Variants in ZC3H3 observed in about 807,000 individuals in gnomAD.
ZC3H3 encodes the protein zinc finger CCCH-type containing 3, also known as zinc finger CCCH domain-containing protein 3.
A neutral mutation model predicts 77.3 loss-of-function variants in ZC3H3; 36 were observed. That is an observed-to-expected ratio of 0.47 (90% CI 0.36 to 0.61). The LOEUF is 0.61. Ranked by LOEUF, ZC3H3 falls within the 20% of genes least tolerant of loss-of-function variation. The probability of loss-of-function intolerance (pLI) is 0.00; values close to 1 mark genes in which losing one functional copy is unlikely to be tolerated. For synonymous variants in ZC3H3, 626 were observed against 555.2 expected, an observed-to-expected ratio of 1.13 and a Z score of -1.79; for missense variants, 1,331 against 1,312.2, an observed-to-expected ratio of 1.01 and a Z score of -0.22.
chr8:143,441,773 C>T (rs945802918), intron 9 of ZC3H3, among the ~76,000 whole-genome samples: 5 of 152,140 alleles, frequency 3.3e-5, no homozygotes, highest in Non-Finnish European at 5.9e-5. Flanking sequence ...TGGTGCAGGG[C>T]GCCCAGCCTG....
chr8:143,477,791 G>T (rs1249495956), intron 4 of ZC3H3, among the ~76,000 whole-genome samples: 1 of 152,210 alleles, frequency 6.6e-6, no homozygotes, highest in Non-Finnish European at 1.5e-5. Flanking sequence ...GGCCTCAGGG[G>T]TCTCACCATT....
At chr8:143,540,987 C>T (rs975213167) in intron 1 of ZC3H3, among the ~76,000 whole-genome samples, 12 of 152,254 alleles carry the variant, frequency 7.9e-5, no homozygotes, top group African/African-American at 2.9e-4. Flanking sequence ...AAGGAACCCG[C>T]GTGCGCCCTT....
chr8:143,539,219 A>T lies in ZC3H3; in HGVS notation c.148T>A (p.Phe50Ile), dbSNP rs1170969298. 1 of 1,612,898 alleles carries T rather than the reference A, an allele frequency of 6.2e-7. No homozygotes were observed. Residue 50 changes from phenylalanine to isoleucine, a missense_variant, in exon 2 of 12, where the codon TTT becomes ATT. Phe to Ile is a conservative substitution (Grantham distance 21). Transcript: ENST00000262577. Reference sequence around the variant, plus strand: ...CTTGGACGAGGGTAGCGGGCACTAAAGGCTCTGCCACTGTGGTAAGTGGGT... The same window carrying T: ...CTTGGACGAGGGTAGCGGGCACTAATGGCTCTGCCACTGTGGTAAGTGGGT... ...QPPTYHSGRA[F>I]SARYPRPSRR...
intron 5 of ZC3H3, among the ~76,000 whole-genome samples, chr8:143,470,986 G>A (rs1820546929): frequency 6.6e-6 from 1 of 152,128 alleles, no homozygotes; most frequent in Admixed American, 6.5e-5. Flanking sequence ...CGGTGCCCCA[G>A]TGCCAGCTCT....
chr8:143,525,687 A>G (rs1822390058), intron 3 of ZC3H3, among the ~76,000 whole-genome samples: 1 of 152,222 alleles, frequency 6.6e-6, no homozygotes, highest in Non-Finnish European at 1.5e-5. Context: ...TCTTCCTGCT[A>G]TGCCTTCCCA....
chr8:143,481,101 C>T (rs539265689), intron 4 of ZC3H3, among the ~76,000 whole-genome samples: 12 of 152,338 alleles, frequency 7.9e-5, no homozygotes, highest in African/African-American at 2.6e-4. Flanking sequence ...GCTTGTTCAA[C>T]AGGGTCTTCC....
chr8:143,512,930 C>G (rs1563871005), intron 3 of ZC3H3, among the ~76,000 whole-genome samples: 1 of 152,208 alleles, frequency 6.6e-6, no homozygotes, highest in Admixed American at 6.5e-5. Context: ...GAGAGCCGAG[C>G]CTGCCTGGAA....
At chr8:143,501,444 T>C (rs1256987949) in intron 4 of ZC3H3, among the ~76,000 whole-genome samples, 2 of 152,182 alleles carry the variant, frequency 1.3e-5, no homozygotes, top group African/African-American at 4.8e-5. Flanking sequence ...GCTCAAGCGG[T>C]CCACCTGCCT....
intron 10 of ZC3H3, 76 bp from the exon 11 acceptor site, chr8:143,440,439 T>C (rs984446471): frequency 1.4e-6 from 2 of 1,470,750 alleles, no homozygotes; most frequent in African/African-American, 2.8e-5. Context: ...CCCATGCTCT[T>C]GGCTGCTTCC....
chr8:143,507,213 G>A (rs754866864), intron 4 of ZC3H3, among the ~76,000 whole-genome samples: 51 of 152,182 alleles, frequency 3.4e-4, no homozygotes, highest in Non-Finnish European at 2.8e-4. Context: ...GTTCCCTGCC[G>A]ACAGAGCCGC....
chr8:143,438,523 G>A (rs974929825), intron 11 of ZC3H3, among the ~76,000 whole-genome samples: 4 of 152,198 alleles, frequency 2.6e-5, no homozygotes, highest in Non-Finnish European at 4.4e-5. Context: ...GTGGAAAGCC[G>A]GGGTGCACAC....
intron 4 of ZC3H3, among the ~76,000 whole-genome samples, chr8:143,496,548 TG>T (rs147167049): frequency 0.018 from 2,693 of 152,212 alleles, 79 homozygotes; most frequent in African/African-American, 0.061. Flanking sequence ...GTAAGACTCC[TG>T]GGTCCACGCC....
At chr8:143,529,042 G>A (rs909080199) in intron 3 of ZC3H3, among the ~76,000 whole-genome samples, 1 of 152,258 alleles carries the variant, frequency 6.6e-6, no homozygotes, top group African/African-American at 2.4e-5. Context: ...AGCTGGCCTG[G>A]CAGAATGGAC....
At chr8:143,449,583 C>T (rs1819937704) in intron 9 of ZC3H3, among the ~76,000 whole-genome samples, 1 of 152,142 alleles carries the variant, frequency 6.6e-6, no homozygotes. Flanking sequence ...TACCAAAATA[C>T]AAAAATTAGC....
Position 143,494,957 on chromosome 8 carries a change from G to A in ZC3H3, c.1715+12789C>T, listed in dbSNP as rs185984635. On this transcript the variant is annotated intron_variant, in intron 4 of 11. Transcript: ENST00000262577. The surrounding 1 kb of genome is among the most constrained non-coding windows in gnomAD (Gnocchi z 5.3). Reference sequence around the variant, plus strand: ...AAAACCACAGTGAGAGGCCACACACGTGAGAATGCAGATTAGAAAGGCGGT... The same window carrying A: ...AAAACCACAGTGAGAGGCCACACACATGAGAATGCAGATTAGAAAGGCGGT... Among the ~76,000 whole-genome samples, 25 of 152,318 alleles carry A rather than the reference G, an allele frequency of 1.6e-4. No homozygotes were observed. The highest frequency in any genetic ancestry group is 4.6e-4 in the Admixed American group (7 of 15,312).
intron 3 of ZC3H3, among the ~76,000 whole-genome samples, chr8:143,518,829 C>G (rs1337621007): frequency 6.6e-6 from 1 of 152,260 alleles, no homozygotes; most frequent in African/African-American, 2.4e-5. Flanking sequence ...AATCCCTGCC[C>G]TCAGCCCACC....
chr8:143,451,104 C>A (rs764985871), intron 9 of ZC3H3, among the ~76,000 whole-genome samples: 15 of 152,026 alleles, frequency 9.9e-5, no homozygotes, highest in Non-Finnish European at 1.8e-4. Flanking sequence ...GGAGGGGCTC[C>A]TGAGAGGGAG....
chr8:143,532,343 TGCCTGGCAGCTTTCAGAA>T (rs1259970077), intron 3 of ZC3H3, among the ~76,000 whole-genome samples: 12 of 152,278 alleles, frequency 7.9e-5, no homozygotes, highest in Admixed American at 6.5e-5. Context: ...GCAGCAGGGC[TGCCTGGCAGCTTTCAGAA>T]GCCCCTGTCC....
Position 143,493,995 on chromosome 8 carries a change from A to C in ZC3H3, c.1715+13751T>G, listed in dbSNP as rs1004635752. On this transcript the variant is annotated intron_variant, in intron 4 of 11. Coordinates refer to ENST00000262577, the MANE Select transcript of ZC3H3 (RefSeq NM_015117.3). This position sits in a 1 kb window ranked among gnomAD's most constrained non-coding sequence, Gnocchi z 4.8. The stretch of plus-strand genomic sequence containing the variant: ...AGGCCATCACATTAACTTTTACAGC[A>C]CTTGGGGAGCCGTAACCGCCTGTTC... 1.3e-5 allele frequency among the ~76,000 whole-genome samples: 2 copies of C among 152,178 alleles called. No homozygotes were observed. The highest frequency in any genetic ancestry group is 4.8e-5 in the African/African-American group (2 of 41,454).
Sources: allele counts gnomAD v4.1 joint callset (sites outside exome capture counted in the v4.1 genomes callset), GRCh38; gene constraint gnomAD v4.1.1; non-coding constraint Gnocchi (gnomAD v3.1); transcripts MANE v1.5; gene names NCBI Gene and HGNC (gene_info 2026-07-23, HGNC 2026-07-21).